The following SLC9A9 variants were observed in gnomAD, a reference collection of about 807,000 sequenced individuals.
SLC9A9 encodes sodium/hydrogen exchanger 9.
Under a neutral mutation model 77.8 loss-of-function variants are expected in SLC9A9, and 62 were observed. That is an observed-to-expected ratio of 0.80 (90% CI 0.65 to 0.98). The LOEUF (loss-of-function observed/expected upper bound fraction) is 0.98. Among genes scored for constraint, SLC9A9 ranks in the 50% least tolerant of loss-of-function variants. SLC9A9 has a pLI of 0.00. For synonymous variants in SLC9A9, 320 were observed against 283.5 expected (o/e 1.13, Z -1.29); for missense variants, 775 against 774.9 (o/e 1.00, Z 0.00).
intron 12 of SLC9A9, among the ~76,000 whole-genome samples, chr3:143,462,803 A>AG (rs1436035771): frequency 6.6e-6 from 1 of 152,164 alleles, no homozygotes; most frequent in Non-Finnish European, 1.5e-5. Flanking sequence ...TAATCAGGGT[A>AG]GATTGCAGGC....
At chr3:143,474,965 T>C (rs1576522019) in intron 11 of SLC9A9, among the ~76,000 whole-genome samples, 1 of 151,400 alleles carries the variant, frequency 6.6e-6, no homozygotes, top group Non-Finnish European at 1.5e-5. Flanking sequence ...CCAGGTTTTT[T>C]TTTTTTTTTT....
intron 14 of SLC9A9, among the ~76,000 whole-genome samples, chr3:143,299,023 G>A (rs1181568071): frequency 1.3e-5 from 2 of 152,112 alleles, no homozygotes; most frequent in African/African-American, 2.4e-5. Flanking sequence ...AGGTATGTAC[G>A]CCTGTATTAT....
At chr3:143,503,938 A>G in intron 9 of SLC9A9, 2 of 370,384 alleles carry the variant, frequency 5.4e-6, no homozygotes, top group Non-Finnish European at 1.1e-5. Context: ...TTCCTTATCT[A>G]AGTGAGCCTC....
At chr3:143,725,202 G>A (rs939430153) in intron 4 of SLC9A9, among the ~76,000 whole-genome samples, 3 of 152,164 alleles carry the variant, frequency 2.0e-5, no homozygotes, top group Non-Finnish European at 2.9e-5. Flanking sequence ...GTTCACACCA[G>A]TTAGAATGGC....
At chr3:143,741,620 G>A (rs186793598) in intron 4 of SLC9A9, among the ~76,000 whole-genome samples, 8 of 152,232 alleles carry the variant, frequency 5.3e-5, no homozygotes, top group East Asian at 3.9e-4. Flanking sequence ...GGGAAAAATC[G>A]TAACTCTACA....
chr3:143,492,089 G>A (rs2035756413), intron 11 of SLC9A9, among the ~76,000 whole-genome samples: 2 of 151,658 alleles, frequency 1.3e-5, no homozygotes, highest in Admixed American at 6.6e-5. Flanking sequence ...TCAGGAGATC[G>A]AGACCATCCT....
chr3:143,788,116 C>T (rs1038814547), intron 4 of SLC9A9, among the ~76,000 whole-genome samples: 10 of 53,044 alleles, frequency 1.9e-4, no homozygotes, highest in African/African-American at 3.9e-4. Flanking sequence ...GGTGTAGATC[C>T]GGAGAAAAGG....
chr3:143,401,812 A>G (rs560301729), intron 12 of SLC9A9, among the ~76,000 whole-genome samples: 1 of 152,330 alleles, frequency 6.6e-6, no homozygotes, highest in South Asian at 2.1e-4. Context: ...AGGAGGAATG[A>G]AAGTGCTCCT....
At chr3:143,538,655 T>C (rs187927588) in intron 9 of SLC9A9, among the ~76,000 whole-genome samples, 402 of 152,316 alleles carry the variant, frequency 2.6e-3, no homozygotes, top group African/African-American at 9.4e-3. Context: ...CTGATCTCTG[T>C]GTGCCTGTCT....
At chr3:143,283,579 C>A (rs975700563) in intron 14 of SLC9A9, among the ~76,000 whole-genome samples, 11 of 152,336 alleles carry the variant, frequency 7.2e-5, no homozygotes, top group Non-Finnish European at 1.3e-4. Context: ...AAGCCCCAAC[C>A]CTGTCCCCTT....
intron 9 of SLC9A9, among the ~76,000 whole-genome samples, chr3:143,514,140 C>A (rs2108607855): frequency 6.6e-6 from 1 of 152,134 alleles, no homozygotes; most frequent in Admixed American, 6.5e-5. Flanking sequence ...ATGATGGTTT[C>A]CAGCTTCATC....
chr3:143,282,901 C>A (rs1367182544), intron 14 of SLC9A9, among the ~76,000 whole-genome samples: 2 of 152,148 alleles, frequency 1.3e-5, no homozygotes, highest in African/African-American at 4.8e-5. Context: ...GGATCCAGGA[C>A]CCAATTCAAA....
intron 4 of SLC9A9, among the ~76,000 whole-genome samples, chr3:143,785,857 T>C (rs1157122469): frequency 0.074 from 10,123 of 136,538 alleles, 988 homozygotes; most frequent in African/African-American, 0.19. Context: ...TTTTTTTTTT[T>C]TTTTTTTTTT....
chr3:143,444,921 C>G (rs936811756), intron 12 of SLC9A9, among the ~76,000 whole-genome samples: 4 of 152,220 alleles, frequency 2.6e-5, no homozygotes, highest in Non-Finnish European at 4.4e-5. Flanking sequence ...AGGGTTCCGT[C>G]TACCCCTGGG....
chr3:143,281,209 T>C (rs1938207812), intron 14 of SLC9A9, among the ~76,000 whole-genome samples: 1 of 152,176 alleles, frequency 6.6e-6, no homozygotes, highest in African/African-American at 2.4e-5. Context: ...ATCAGAGCTG[T>C]TTGCATCACT....
intron 14 of SLC9A9, among the ~76,000 whole-genome samples, chr3:143,360,021 A>C (rs1341135994): frequency 6.6e-6 from 1 of 152,244 alleles, no homozygotes; most frequent in Admixed American, 6.5e-5. Flanking sequence ...CTTTGTGAAC[A>C]TACTGAGACA....
intron 9 of SLC9A9, chr3:143,503,945 C>A: frequency 2.7e-6 from 1 of 371,100 alleles, no homozygotes; most frequent in Non-Finnish European, 5.2e-6. Flanking sequence ...TCTAAGTGAG[C>A]CTCAGCCTTC....
intron 4 of SLC9A9, among the ~76,000 whole-genome samples, chr3:143,704,605 T>C (rs559134826): frequency 6.6e-6 from 1 of 152,188 alleles, no homozygotes; most frequent in Non-Finnish European, 1.5e-5. Flanking sequence ...ATCAGTATAT[T>C]GAAGTATATC....
chr3:143,322,848 C>G (rs1035909220), intron 14 of SLC9A9, among the ~76,000 whole-genome samples: 1 of 152,120 alleles, frequency 6.6e-6, no homozygotes, highest in African/African-American at 2.4e-5. Flanking sequence ...GCCAACTGAT[C>G]TTTGATAAAG....
Sources: allele counts gnomAD v4.1 joint callset (sites outside exome capture counted in the v4.1 genomes callset), GRCh38; gene constraint gnomAD v4.1.1; transcripts MANE v1.5; gene names NCBI Gene and HGNC (gene_info 2026-07-23, HGNC 2026-07-21).